The following B4GALT6 variants were observed in gnomAD, a reference collection of about 807,000 sequenced individuals.
The protein encoded by B4GALT6 is beta-1,4-galactosyltransferase 6.
In B4GALT6, 14 loss-of-function variants were observed where a neutral mutation model predicts 46.3. The ratio of observed to expected loss-of-function variants is 0.30; its 90% CI spans 0.20 to 0.47. The LOEUF (loss-of-function observed/expected upper bound fraction) is 0.47. B4GALT6 is among the 20% of genes least tolerant of loss of function. The pLI is 0.99. For synonymous variants in B4GALT6, 168 were observed against 162.0 expected, an observed-to-expected ratio of 1.04 and a Z score of -0.28; for missense variants, 386 against 480.1, an observed-to-expected ratio of 0.80 and a Z score of 1.83.
chr18:31,684,522 C>A lies in B4GALT6; in HGVS notation c.-96G>T. ...ACTTCCATAAATGTGCTGAGAACCCCGAGACTGCAGCGGGGTCCGCGCGGG... is the reference window on the plus strand; with the variant it reads ...ACTTCCATAAATGTGCTGAGAACCCAGAGACTGCAGCGGGGTCCGCGCGGG... On this transcript the variant is annotated 5_prime_UTR_variant, in exon 1 of 9. Transcript: ENST00000306851. 1.3e-6 allele frequency: 2 copies of A among 1,526,556 alleles called. No homozygotes were observed. Among genetic ancestry groups the A allele is most frequent in the South Asian group, 1.2e-5 (1 of 82,994 alleles). The allele number at this position is 1,526,556 out of a possible 1,614,324, so 94.6% of individuals were successfully genotyped here.
the B4GALT6 span, among the ~76,000 whole-genome samples, chr18:31,697,057 C>T: frequency 1.4e-4 from 21 of 152,196 alleles, no homozygotes; most frequent in East Asian, 9.7e-4. Context: ...GATCACTTGA[C>T]GCCAGGAGTT....
At chr18:31,717,954 C>CAAA in the B4GALT6 span, among the ~76,000 whole-genome samples, 13,611 of 126,006 alleles carry the variant, frequency 0.11, 1,038 homozygotes, top group Middle Eastern at 0.18. Context: ...AACTCCGTCT[C>CAAA]AAAAAAAAAA....
At chr18:31,668,192 G>A (rs1265654027) in intron 1 of B4GALT6, among the ~76,000 whole-genome samples, 1 of 151,858 alleles carries the variant, frequency 6.6e-6, no homozygotes, top group Admixed American at 6.6e-5. Flanking sequence ...CATTATCCTA[G>A]CGAATTAACA....
chr18:31,656,785 T>C (rs1667291), intron 3 of B4GALT6, among the ~76,000 whole-genome samples: 2,169 of 152,156 alleles, frequency 0.014, 46 homozygotes, highest in African/African-American at 0.05. Flanking sequence ...ACAAAACACA[T>C]AGCAGACAAC....
At chr18:31,706,023 T>C in the B4GALT6 span, among the ~76,000 whole-genome samples, 1 of 152,212 alleles carries the variant, frequency 6.6e-6, no homozygotes, top group Admixed American at 6.5e-5. Context: ...TTTAGCTTTT[T>C]GGAAATTATA....
chr18:31,635,824 A>C (rs1598874452), intron 5 of B4GALT6, among the ~76,000 whole-genome samples: 1 of 152,342 alleles, frequency 6.6e-6, no homozygotes, highest in Non-Finnish European at 1.5e-5. Flanking sequence ...TCTCAAAAAA[A>C]AACTTTTTTG....
intron 4 of B4GALT6, among the ~76,000 whole-genome samples, chr18:31,641,956 G>A (rs1791222): frequency 5.6e-4 from 85 of 152,296 alleles, no homozygotes; most frequent in African/African-American, 2.0e-3. Context: ...ATGGCTTTAG[G>A]CTTGGTAACC....
intron 3 of B4GALT6, among the ~76,000 whole-genome samples, chr18:31,655,598 G>C (rs1487321147): frequency 6.6e-6 from 1 of 152,126 alleles, no homozygotes; most frequent in Non-Finnish European, 1.5e-5. Flanking sequence ...GCAGACAGAT[G>C]CTTTGAAATA....
the B4GALT6 span, among the ~76,000 whole-genome samples, chr18:31,717,102 C>G: frequency 2.0e-5 from 3 of 150,242 alleles, no homozygotes; most frequent in East Asian, 5.8e-4. Context: ...GACTCTATCT[C>G]AAAAAAAGAA....
intron 4 of B4GALT6, among the ~76,000 whole-genome samples, chr18:31,639,891 T>C (rs750486326): frequency 2.0e-5 from 3 of 152,202 alleles, no homozygotes; most frequent in South Asian, 2.1e-4. Flanking sequence ...CTCTATTTCT[T>C]GGATACAAAC....
At chr18:31,721,026 G>T in the B4GALT6 span, among the ~76,000 whole-genome samples, 1 of 152,200 alleles carries the variant, frequency 6.6e-6, no homozygotes, top group Non-Finnish European at 1.5e-5. Context: ...GAGACAGTGT[G>T]TCAGGCAAGT....
intron 4 of B4GALT6, among the ~76,000 whole-genome samples, chr18:31,642,831 T>C (rs2073946756): frequency 6.6e-6 from 1 of 152,180 alleles, no homozygotes. Context: ...ATTACAAGCC[T>C]GCACCACCAC....
chr18:31,631,060 G>T lies in B4GALT6; in HGVS notation c.675C>A (p.Ile225=). 1 of 1,614,190 alleles carries T rather than the reference G, an allele frequency of 6.2e-7. No homozygotes were observed. Among genetic ancestry groups the T allele is most frequent in the Non-Finnish European group, 8.5e-7 (1 of 1,180,030 alleles). The change falls in exon 6 of 9, where the codon ATC becomes ATA. Residue 225 remains isoleucine (I), a synonymous_variant. Transcript: ENST00000306851. ...CAGGTAGATGATCCACATCGTGGAA[G>T]ATTACACAGTCCCAGACACTGTCTT... ...AMKDSVWDCV[I]FHDVDHLPEN...
chr18:31,695,080 A>C, the B4GALT6 span, among the ~76,000 whole-genome samples: 1 of 152,186 alleles, frequency 6.6e-6, no homozygotes, highest in East Asian at 1.9e-4. Flanking sequence ...TATTAATGCC[A>C]TGAAGTACAA....
chr18:31,684,679 A>C (rs1295023117), upstream of B4GALT6: 1 of 571,896 alleles, frequency 1.7e-6, no homozygotes. Context: ...GGGAGAGGGG[A>C]CTGGGGGCTA....
intron 1 of B4GALT6, among the ~76,000 whole-genome samples, chr18:31,668,450 T>G (rs1010897048): frequency 1.3e-5 from 2 of 152,190 alleles, no homozygotes; most frequent in African/African-American, 4.8e-5. Context: ...ATGTATGCCC[T>G]GAATCTAAAA....
upstream of B4GALT6, among the ~76,000 whole-genome samples, chr18:31,685,087 T>A (rs2074530500): frequency 6.9e-6 from 1 of 145,790 alleles, no homozygotes; most frequent in African/African-American, 2.5e-5. Context: ...CGCCTCCTCA[T>A]GCCGCGCCGG....
At chr18:31,665,132 C>G (rs1209037075) in intron 2 of B4GALT6, among the ~76,000 whole-genome samples, 2 of 152,160 alleles carry the variant, frequency 1.3e-5, no homozygotes, top group African/African-American at 4.8e-5. Context: ...CAGACTTTCT[C>G]TTAGTAGAAT....
chr18:31,694,877 T>C, the B4GALT6 span, among the ~76,000 whole-genome samples: 1 of 152,342 alleles, frequency 6.6e-6, no homozygotes, highest in East Asian at 1.9e-4. Flanking sequence ...TCCCAGACCC[T>C]ATTTGTCTTT....
Sources: allele counts gnomAD v4.1 joint callset (sites outside exome capture counted in the v4.1 genomes callset), GRCh38; gene constraint gnomAD v4.1.1; transcripts MANE v1.5; gene names NCBI Gene and HGNC (gene_info 2026-07-23, HGNC 2026-07-21).